AXDND1: variants seen among roughly 807,000 people sequenced by gnomAD.
AXDND1 encodes axonemal dynein light chain domain containing 1, also known as axonemal dynein light chain domain-containing protein 1.
Under a neutral mutation model 137.5 loss-of-function variants are expected in AXDND1, and 110 were observed. The ratio of observed to expected loss-of-function variants is 0.80; its 90% confidence interval spans 0.69 to 0.94. The LOEUF (loss-of-function observed/expected upper bound fraction) is 0.94. Ranked by LOEUF, AXDND1 falls within the 40% of genes least tolerant of loss-of-function variation. The probability of loss-of-function intolerance (pLI) is 0.00; values close to 1 mark genes in which losing one functional copy is unlikely to be tolerated. For missense variants in AXDND1, 1,191 were observed against 1,169.8 expected, an observed-to-expected ratio of 1.02 and a Z score of -0.26; for synonymous variants, 414 against 399.7, an observed-to-expected ratio of 1.04 and a Z score of -0.43.
At chr1:179,470,989 GTATC>G (rs1324836987) in intron 17 of AXDND1, among the ~76,000 whole-genome samples, 2 of 151,920 alleles carry the variant, frequency 1.3e-5, no homozygotes, top group Non-Finnish European at 2.9e-5. Context: ...TGCTTTTTCT[GTATC>G]TAGTGAGATG....
chr1:179,551,391 G>C lies in AXDND1; in HGVS notation c.3032-3121G>C, dbSNP rs1553312393. 1.9e-6 allele frequency: 3 copies of C among 1,614,110 alleles called. No homozygotes were observed. Among genetic ancestry groups the C allele is most frequent in the Non-Finnish European group, 2.5e-6 (3 of 1,179,988 alleles). ...TGAACGGCAGCAGGGGTGCCTGACA[G>C]AATCTCAGCTGCCATCCTCAGGGAC... On this transcript the variant is annotated intron_variant, in intron 25 of 25. Transcript: ENST00000367618.
At chr1:179,424,323 T>C (rs1022731155) in intron 12 of AXDND1, among the ~76,000 whole-genome samples, 3 of 152,164 alleles carry the variant, frequency 2.0e-5, no homozygotes, top group Non-Finnish European at 2.9e-5. Context: ...AGTTTGATTG[T>C]TGTATACCTT....
Position 179,382,721 on chromosome 1 carries a change from A to G in AXDND1, c.603A>G (p.Thr201=), listed in dbSNP as rs952258540. 1 of 1,603,716 alleles carries G rather than the reference A, an allele frequency of 6.2e-7. No individual in the cohort carries two copies. Among genetic ancestry groups the G allele is most frequent in the East Asian group, 2.2e-5 (1 of 44,750 alleles). Residue 201 remains threonine (T), a synonymous_variant, in exon 7 of 26, where the codon ACA becomes ACG. Transcript: ENST00000367618. ...CYDDKYTTLL[T]DSENRLLLFP... ...GTAGCAAATACACTACTCTCCTCAC[A>G]GATAGTGAAAACAGGCTATTGCTCT... is the stretch of plus-strand genomic sequence containing the variant.
At chr1:179,543,051 T>C (rs1672315253) in intron 25 of AXDND1, 1 of 152,220 alleles carries the variant, frequency 6.6e-6, no homozygotes. Flanking sequence ...CAGATACCTC[T>C]GGAGCAATCT....
At chr1:179,403,080 T>C (rs1652353295) in intron 11 of AXDND1, among the ~76,000 whole-genome samples, 1 of 152,174 alleles carries the variant, frequency 6.6e-6, no homozygotes, top group Admixed American at 6.6e-5. Flanking sequence ...ACTTAATCAC[T>C]AATATTCTAT....
chr1:179,547,049 T>A (rs1307968411), intron 25 of AXDND1, among the ~76,000 whole-genome samples: 1 of 152,230 alleles, frequency 6.6e-6, no homozygotes, highest in East Asian at 1.9e-4. Context: ...TTTTAAAGCC[T>A]GCTGGAAATT....
chr1:179,456,126 G>C (rs912183246), intron 16 of AXDND1: 1 of 542,518 alleles, frequency 1.8e-6, no homozygotes, highest in African/African-American at 1.9e-5. Context: ...CCTAGGCCCT[G>C]CTACCACTGT....
chr1:179,396,919 G>T (rs193135524), intron 11 of AXDND1, among the ~76,000 whole-genome samples: 2 of 152,234 alleles, frequency 1.3e-5, no homozygotes, highest in East Asian at 3.9e-4. Flanking sequence ...ATACCAATGG[G>T]TCTTGTTTCT....
At chr1:179,429,759 A>G in intron 13 of AXDND1, 140 bp downstream of exon 13, 2 of 439,892 alleles carry the variant, frequency 4.5e-6, no homozygotes, top group Non-Finnish European at 7.7e-6. Context: ...TGAAAAATCT[A>G]TGGGAAGGTG....
At chr1:179,372,645 T>C (rs889421349) in intron 4 of AXDND1, among the ~76,000 whole-genome samples, 4 of 152,192 alleles carry the variant, frequency 2.6e-5, no homozygotes, top group Non-Finnish European at 2.9e-5. Context: ...TGTTTTACCA[T>C]AGAATTTTAT....
intron 16 of AXDND1, among the ~76,000 whole-genome samples, chr1:179,467,512 G>A (rs1406898770): frequency 2.0e-5 from 3 of 152,144 alleles, no homozygotes; most frequent in Non-Finnish European, 4.4e-5. Context: ...ATGATTTAAT[G>A]TATACAAGAG....
At chr1:179,492,623 A>C (rs60497891) in intron 19 of AXDND1, among the ~76,000 whole-genome samples, 13,461 of 152,218 alleles carry the variant, frequency 0.088, 785 homozygotes, top group South Asian at 0.18. Context: ...TCAATTCAGT[A>C]TTACTAAGGG....
chr1:179,413,859 C>T lies in AXDND1; in HGVS notation c.1230+2593C>T, dbSNP rs577278751. ...GGGTTGAACTAATTTACATTCCCAC[C>T]ATAGTATATAAGTGTTCCCTTTTCT... On this transcript the variant is annotated intron_variant, in intron 12 of 25. Transcript: ENST00000367618. 5.3e-5 allele frequency among the ~76,000 whole-genome samples: 8 copies of T among 152,180 alleles called. No homozygotes were observed. The East Asian group carries it at 1.5e-3, about 29-fold the overall frequency.
intron 9 of AXDND1, 99 bp downstream of exon 9, chr1:179,385,458 T>C (rs1649047632): frequency 7.4e-7 from 1 of 1,356,114 alleles, no homozygotes; most frequent in Non-Finnish European, 1.0e-6. Context: ...TGCACTTCTC[T>C]ATTCTACTGA....
chr1:179,428,219 T>C (rs1656859541), intron 12 of AXDND1, among the ~76,000 whole-genome samples: 1 of 152,200 alleles, frequency 6.6e-6, no homozygotes, highest in South Asian at 2.1e-4. Context: ...AGAAACAGAT[T>C]TGAGCTAGAC....
At chr1:179,385,617 T>G (rs1010630669) in intron 9 of AXDND1, among the ~76,000 whole-genome samples, 4 of 152,198 alleles carry the variant, frequency 2.6e-5, no homozygotes, top group Admixed American at 2.6e-4. Flanking sequence ...AAGAGTTTTA[T>G]AGTTTTGTTA....
At chr1:179,550,482 A>T (rs2125759921) in intron 25 of AXDND1, 1 of 150,114 alleles carries the variant, frequency 6.7e-6, no homozygotes, top group African/African-American at 2.4e-5. Flanking sequence ...CATGTGTCAG[A>T]TGTTTTTGTC....
At chr1:179,449,374 A>G (rs1390643682) in intron 16 of AXDND1, 1 of 230,558 alleles carries the variant, frequency 4.3e-6, no homozygotes. Flanking sequence ...AGCCTATTCT[A>G]CTCATGTGTA....
intron 21 of AXDND1, among the ~76,000 whole-genome samples, chr1:179,520,272 AG>A (rs1245259693): frequency 6.6e-6 from 1 of 152,218 alleles, no homozygotes; most frequent in Admixed American, 6.5e-5. Flanking sequence ...TATCAGCTTA[AG>A]AAGCTTTTGG....
Sources: allele counts gnomAD v4.1 joint callset (sites outside exome capture counted in the v4.1 genomes callset), GRCh38; gene constraint gnomAD v4.1.1; transcripts MANE v1.5; gene names NCBI Gene and HGNC (gene_info 2026-07-23, HGNC 2026-07-21).